Variants in HEMK2 observed in about 807,000 individuals in gnomAD.
HEMK2 encodes HemK methyltransferase 2, ETF1 glutamine and histone H4 lysine.
the HEMK2 span, among the ~76,000 whole-genome samples, chr21:28,737,592 T>TTAAAA: frequency 6.8e-6 from 1 of 147,914 alleles, no homozygotes; most frequent in African/African-American, 2.5e-5. Context: ...CATAGACTGT[T>TTAAAA]AAAAAAAAAA....
At chr21:28,847,885 C>T in the HEMK2 span, among the ~76,000 whole-genome samples, 1 of 152,148 alleles carries the variant, frequency 6.6e-6, no homozygotes, top group Non-Finnish European at 1.5e-5. Context: ...GAGAGTCTTT[C>T]CCCATTGCTT....
chr21:28,741,903 T>C, the HEMK2 span, among the ~76,000 whole-genome samples: 1 of 152,316 alleles, frequency 6.6e-6, no homozygotes, highest in African/African-American at 2.4e-5. Context: ...TATATATTTC[T>C]TCCTTTGGGT....
At chr21:28,805,494 T>C in the HEMK2 span, among the ~76,000 whole-genome samples, 10 of 152,190 alleles carry the variant, frequency 6.6e-5, no homozygotes, top group Admixed American at 1.3e-4. Flanking sequence ...AACCAAAATG[T>C]TTGGGAATTA....
At chr21:28,622,743 T>G in the HEMK2 span, among the ~76,000 whole-genome samples, 1 of 152,226 alleles carries the variant, frequency 6.6e-6, no homozygotes, top group Admixed American at 6.5e-5. Context: ...GGATTCCCTA[T>G]TTAATAAATG....
At chr21:28,576,636 G>A in the HEMK2 span, among the ~76,000 whole-genome samples, 1 of 151,852 alleles carries the variant, frequency 6.6e-6, no homozygotes, top group Non-Finnish European at 1.5e-5. Context: ...AAATCTTTGT[G>A]CCATGATTAT....
chr21:28,750,040 G>T, the HEMK2 span, among the ~76,000 whole-genome samples: 3 of 152,194 alleles, frequency 2.0e-5, no homozygotes, highest in Non-Finnish European at 2.9e-5. Context: ...AAGCAGACAA[G>T]TCACTCATCT....
chr21:28,655,107 C>T, the HEMK2 span, among the ~76,000 whole-genome samples: 1 of 151,986 alleles, frequency 6.6e-6, no homozygotes. Flanking sequence ...CATGTGTTCT[C>T]AAAGCACATT....
the HEMK2 span, among the ~76,000 whole-genome samples, chr21:28,726,389 T>A: frequency 6.6e-6 from 1 of 152,176 alleles, no homozygotes; most frequent in Non-Finnish European, 1.5e-5. Context: ...CTGATTTTTC[T>A]AATTAGTTAA....
chr21:28,660,651 T>C, the HEMK2 span, among the ~76,000 whole-genome samples: 1 of 151,990 alleles, frequency 6.6e-6, no homozygotes, highest in East Asian at 1.9e-4. Flanking sequence ...ATTTGGTTAG[T>C]GATTATTTTG....
chr21:28,621,593 T>C, the HEMK2 span, among the ~76,000 whole-genome samples: 1 of 152,194 alleles, frequency 6.6e-6, no homozygotes, highest in Non-Finnish European at 1.5e-5. Flanking sequence ...GGTGGGATTA[T>C]CATTGGTTCT....
At chr21:28,759,595 G>C in the HEMK2 span, among the ~76,000 whole-genome samples, 2 of 152,048 alleles carry the variant, frequency 1.3e-5, no homozygotes, top group Non-Finnish European at 2.9e-5. Context: ...GGAGGGGCCG[G>C]GGGTGGAATC....
the HEMK2 span, among the ~76,000 whole-genome samples, chr21:28,808,994 T>C: frequency 6.6e-6 from 1 of 152,206 alleles, no homozygotes; most frequent in Non-Finnish European, 1.5e-5. Flanking sequence ...CAAATTTTAC[T>C]TTTGCTAGTT....
the HEMK2 span, among the ~76,000 whole-genome samples, chr21:28,703,846 A>G: frequency 0.024 from 3,634 of 152,316 alleles, 127 homozygotes; most frequent in African/African-American, 0.082. Flanking sequence ...ATTACAGTGT[A>G]GTAACACTAT....
chr21:28,683,397 A>T, the HEMK2 span, among the ~76,000 whole-genome samples: 1 of 152,200 alleles, frequency 6.6e-6, no homozygotes, highest in African/African-American at 2.4e-5. Context: ...AACTGCAGTC[A>T]TCTGAAACAC....
the HEMK2 span, among the ~76,000 whole-genome samples, chr21:28,637,033 G>C: frequency 6.6e-6 from 1 of 152,192 alleles, no homozygotes; most frequent in Non-Finnish European, 1.5e-5. Flanking sequence ...GCACATTCAG[G>C]TAGTTCAGTT....
chr21:28,754,630 GTTGT>G, the HEMK2 span, among the ~76,000 whole-genome samples: 1 of 152,172 alleles, frequency 6.6e-6, no homozygotes, highest in East Asian at 1.9e-4. Context: ...TTAAATTCTT[GTTGT>G]TTGTCTATTT....
chr21:28,831,260 G>A, the HEMK2 span, among the ~76,000 whole-genome samples: 343 of 151,578 alleles, frequency 2.3e-3, 2 homozygotes, highest in African/African-American at 7.8e-3. Flanking sequence ...GCCTGGCCAA[G>A]ATGGCGAAAC....
chr21:28,801,375 T>C, the HEMK2 span, among the ~76,000 whole-genome samples: 1 of 152,158 alleles, frequency 6.6e-6, no homozygotes, highest in African/African-American at 2.4e-5. Flanking sequence ...AAAATAAAAC[T>C]ATAAACATTC....
At chr21:28,700,781 T>C in the HEMK2 span, among the ~76,000 whole-genome samples, 4 of 152,086 alleles carry the variant, frequency 2.6e-5, no homozygotes, top group South Asian at 6.2e-4. Context: ...GGCTCTTCCC[T>C]AACTCATTGT....
Sources: gnomAD v4.1 joint callset for allele counts (sites outside exome capture counted in the v4.1 genomes callset) on GRCh38, gnomAD v4.1.1 for gene constraint, MANE v1.5 for transcripts, NCBI Gene and HGNC (gene_info 2026-07-23, HGNC 2026-07-21) for gene names.